Variants in TNS1 observed in about 807,000 individuals in gnomAD.
The protein encoded by TNS1 is tensin 1.
Under a neutral mutation model 168.6 loss-of-function variants are expected in TNS1, and 62 were observed. The ratio of observed to expected loss-of-function variants is 0.37; its 90% CI spans 0.30 to 0.45. The LOEUF (loss-of-function observed/expected upper bound fraction) is 0.45. Among genes scored for constraint, TNS1 ranks in the 20% least tolerant of loss-of-function variants. The probability of loss-of-function intolerance (pLI) is 1.00; values close to 1 mark genes in which losing one functional copy is unlikely to be tolerated. For synonymous variants in TNS1, 934 were observed against 933.2 expected (o/e 1.00, Z -0.02); for missense variants, 2,240 against 2,339.4 (o/e 0.96, Z 0.88).
intron 3 of TNS1, among the ~76,000 whole-genome samples, chr2:217,930,863 T>A (rs1167181988): frequency 1.3e-5 from 2 of 152,054 alleles, no homozygotes; most frequent in Non-Finnish European, 2.9e-5. Flanking sequence ...CTCCCTGACC[T>A]ATTCTGAAGC....
intron 3 of TNS1, among the ~76,000 whole-genome samples, chr2:217,976,607 C>T (rs1863794): frequency 0.31 from 46,518 of 151,892 alleles, 7,404 homozygotes; most frequent in East Asian, 0.52. Flanking sequence ...CAGCCTGGTG[C>T]ATTCTGAGCC....
At chr2:217,927,249 G>A (rs1206278616) in intron 3 of TNS1, among the ~76,000 whole-genome samples, 5 of 152,338 alleles carry the variant, frequency 3.3e-5, no homozygotes, top group South Asian at 2.1e-4. Flanking sequence ...AATGCTTGGC[G>A]TGTTGAAAGA....
At chr2:217,990,579 C>T (rs1958339899) in intron 2 of TNS1, among the ~76,000 whole-genome samples, 1 of 152,232 alleles carries the variant, frequency 6.6e-6, no homozygotes, top group African/African-American at 2.4e-5. Context: ...ATGCCATCCA[C>T]ACACCCTCAA....
At chr2:217,822,530 C>G (rs1014715535) in intron 22 of TNS1, among the ~76,000 whole-genome samples, 3 of 152,222 alleles carry the variant, frequency 2.0e-5, no homozygotes, top group African/African-American at 7.2e-5. Context: ...GCCTGACACA[C>G]TCAGCATTCC....
chr2:217,864,182 C>A (rs936418575), intron 18 of TNS1, among the ~76,000 whole-genome samples: 3 of 152,208 alleles, frequency 2.0e-5, no homozygotes, highest in Non-Finnish European at 2.9e-5. Context: ...TATCCACTCA[C>A]CGCGCTTCTG....
intron 1 of TNS1, among the ~76,000 whole-genome samples, chr2:217,998,780 G>A (rs921032792): frequency 1.3e-5 from 2 of 152,204 alleles, no homozygotes; most frequent in African/African-American, 4.8e-5. Flanking sequence ...GATCACAGGT[G>A]TGACCACTGT....
chr2:217,943,207 C>A (rs1289450240), intron 3 of TNS1, among the ~76,000 whole-genome samples: 1 of 152,146 alleles, frequency 6.6e-6, no homozygotes, highest in Non-Finnish European at 1.5e-5. Context: ...AGAGGGGGCA[C>A]TTCTGCCAGT....
intron 21 of TNS1, among the ~76,000 whole-genome samples, chr2:217,831,942 A>ACACACAC (rs1553549650): frequency 6.8e-6 from 1 of 146,182 alleles, no homozygotes; most frequent in South Asian, 2.2e-4. Flanking sequence ...ACCCTCACCC[A>ACACACAC]ACACACACAC....
chr2:217,958,821 T>A (rs1479069321), intron 3 of TNS1, among the ~76,000 whole-genome samples: 1 of 152,176 alleles, frequency 6.6e-6, no homozygotes, highest in African/African-American at 2.4e-5. Context: ...GTTAGGGTAG[T>A]GCCCTGAAGA....
chr2:217,983,551 AGCTGGGCT>A (rs1958111436), intron 2 of TNS1, among the ~76,000 whole-genome samples: 1 of 152,146 alleles, frequency 6.6e-6, no homozygotes, highest in South Asian at 2.1e-4. Context: ...CTCCCACCCC[AGCTGGGCT>A]GCCGGTACTC....
chr2:217,938,268 G>A (rs1032135622), intron 3 of TNS1, among the ~76,000 whole-genome samples: 6 of 152,228 alleles, frequency 3.9e-5, no homozygotes, highest in Admixed American at 1.3e-4. Flanking sequence ...TGGGAACTGC[G>A]TTGGGTGGAG....
At chr2:217,931,036 A>G (rs1255026852) in intron 3 of TNS1, among the ~76,000 whole-genome samples, 3 of 152,184 alleles carry the variant, frequency 2.0e-5, no homozygotes, top group African/African-American at 7.2e-5. Context: ...TGTTCACTCA[A>G]CAATGCCCAC....
rs565284085 is a variant in TNS1 at position 217,967,789 on chromosome 2, GACAA to G, written c.186+10972_186+10975del. On this transcript the variant is annotated intron_variant, in intron 3 of 32. Transcript: ENST00000682258. ...TTACAAATTCTTCCAAAACATAGAA[GACAA>G]ACAAACACCTCTCAAATCATTCTAT... Among the ~76,000 whole-genome samples, 231 of 152,096 alleles carry G rather than the reference GACAA, an allele frequency of 1.5e-3. 1 individual carries two copies. Among genetic ancestry groups the G allele is most frequent in the African/African-American group, 2.0e-3 (83 of 41,484 alleles).
chr2:218,013,200 G>A (rs1180027668), upstream of TNS1, among the ~76,000 whole-genome samples: 1 of 151,678 alleles, frequency 6.6e-6, no homozygotes, highest in African/African-American at 2.4e-5. Context: ...AGGTTGCAGT[G>A]AGCCGAGATT....
At chr2:217,980,189 G>A (rs989796116) in intron 2 of TNS1, among the ~76,000 whole-genome samples, 1 of 152,098 alleles carries the variant, frequency 6.6e-6, no homozygotes, top group Non-Finnish European at 1.5e-5. Flanking sequence ...ACTCACCGGT[G>A]CTGAGCAAGG....
chr2:217,814,660 T>C (rs896703852), intron 25 of TNS1, among the ~76,000 whole-genome samples: 2 of 152,240 alleles, frequency 1.3e-5, no homozygotes, highest in African/African-American at 4.8e-5. Flanking sequence ...GCAGACCTTT[T>C]ACTTTGCCCA....
In TNS1 at chr2:217,990,941, C is replaced by T; in HGVS notation, c.148+1G>A. On this transcript the variant is annotated splice_donor_variant, in intron 2 of 32. Transcript: ENST00000682258. LOFTEE classifies it high-confidence loss of function. ...CCCCCACAGCCCAGACCGCTGCTCA[C>T]CTTTGCAGGTGCAGCCTTCCTGGGT... 1.5e-6 allele frequency: 1 copy of T among 665,678 alleles called. No homozygotes were observed. The highest frequency in any genetic ancestry group is 2.8e-6 in the Non-Finnish European group (1 of 360,888). The allele number at this position is 665,678 out of a possible 1,614,324, so 41.2% of individuals were successfully genotyped here.
chr2:217,918,671 T>A (rs1955386070), intron 4 of TNS1, among the ~76,000 whole-genome samples: 1 of 152,102 alleles, frequency 6.6e-6, no homozygotes, highest in Non-Finnish European at 1.5e-5. Context: ...CCCAGCCTCA[T>A]AAAGCAGCCA....
At chr2:218,027,774 G>C (rs573926841) in intron 1 of TNS1, among the ~76,000 whole-genome samples, 4 of 152,260 alleles carry the variant, frequency 2.6e-5, no homozygotes, top group African/African-American at 9.6e-5. Context: ...GAAGAGATGA[G>C]CAGAAAGGCA....
Sources: gnomAD v4.1 joint callset for allele counts (sites outside exome capture counted in the v4.1 genomes callset) on GRCh38, gnomAD v4.1.1 for gene constraint, MANE v1.5 for transcripts, NCBI Gene and HGNC (gene_info 2026-07-23, HGNC 2026-07-21) for gene names.